MKLN1: variants seen among roughly 807,000 people sequenced by gnomAD.
The protein encoded by MKLN1 is muskelin 1.
MKLN1 carries 18 observed loss-of-function variants against 99.0 expected under a neutral mutation model. The ratio of observed to expected loss-of-function variants is 0.18; its 90% confidence interval spans 0.13 to 0.27. MKLN1 has a LOEUF of 0.27. Ranked by LOEUF, MKLN1 falls within the 10% of genes least tolerant of loss-of-function variation. The pLI is 1.00. For missense variants in MKLN1, 621 were observed against 875.9 expected (o/e 0.71, Z 3.67); for synonymous variants, 288 against 293.2 (o/e 0.98, Z 0.18).
At chr7:131,426,406 A>G (rs1486295854) in intron 8 of MKLN1, among the ~76,000 whole-genome samples, 2 of 152,198 alleles carry the variant, frequency 1.3e-5, no homozygotes, top group African/African-American at 4.8e-5. Flanking sequence ...TATAGTGAGG[A>G]CTTGGCAAAT....
intron 8 of MKLN1, among the ~76,000 whole-genome samples, chr7:131,425,282 G>A (rs1795325575): frequency 6.8e-6 from 1 of 147,176 alleles, no homozygotes; most frequent in Admixed American, 7.3e-5. Context: ...TACTCTGTTT[G>A]AAAAGCCCTC....
intron 15 of MKLN1, among the ~76,000 whole-genome samples, chr7:131,469,195 A>AAGAT (rs1035079468): frequency 6.6e-6 from 1 of 152,012 alleles, no homozygotes; most frequent in Non-Finnish European, 1.5e-5. Context: ...GAGGCATAGA[A>AAGAT]AGATAGATGG....
At chr7:131,135,002 C>T (rs1301763521) in intron 1 of MKLN1, among the ~76,000 whole-genome samples, 2 of 152,200 alleles carry the variant, frequency 1.3e-5, no homozygotes, top group Non-Finnish European at 2.9e-5. Context: ...GAACAGTTTT[C>T]CCTCTCCACA....
chr7:131,222,967 C>T (rs1178904056), intron 3 of MKLN1, among the ~76,000 whole-genome samples: 4 of 151,972 alleles, frequency 2.6e-5, no homozygotes, highest in Admixed American at 6.6e-5. Flanking sequence ...GTTTGAACCC[C>T]GGAGGTGGAG....
At chr7:131,161,569 T>C (rs943623193) in intron 2 of MKLN1, among the ~76,000 whole-genome samples, 1 of 152,210 alleles carries the variant, frequency 6.6e-6, no homozygotes, top group African/African-American at 2.4e-5. Flanking sequence ...TTATTTTTTT[T>C]GAGACGGAGT....
intron 9 of MKLN1, among the ~76,000 whole-genome samples, chr7:131,436,893 A>G (rs1795690573): frequency 1.3e-5 from 2 of 152,092 alleles, no homozygotes; most frequent in South Asian, 2.1e-4. Flanking sequence ...TAGCTGTGCT[A>G]TTTATTCAAT....
In MKLN1 at chr7:131,375,427, C is replaced by T. The variant is rs1289361365; in HGVS notation, c.102C>T (p.Asn34=). 1.9e-6 allele frequency: 3 copies of T among 1,606,174 alleles called. No individual in the cohort carries two copies. The highest frequency in any genetic ancestry group is 2.6e-6 in the Non-Finnish European group (3 of 1,173,120). ...TTTAATACTTTCTTTATTCCAGGAA[C>T]ATTTTAGTGGACAAACCAAATGACC... ...SSFSSTYLPE[N]ILVDKPNDQS... Residue 34 remains asparagine, a synonymous_variant, in exon 2 of 18, where the codon AAC becomes AAT. Transcript: ENST00000352689.
chr7:131,350,733 A>G (rs1366449914), intron 1 of MKLN1, among the ~76,000 whole-genome samples: 2 of 152,202 alleles, frequency 1.3e-5, no homozygotes, highest in Non-Finnish European at 2.9e-5. Context: ...AGGCCCTGAA[A>G]TGATGTCCCA....
intron 1 of MKLN1, among the ~76,000 whole-genome samples, chr7:131,366,252 A>C (rs3800675): frequency 6.6e-6 from 1 of 152,092 alleles, no homozygotes; most frequent in Non-Finnish European, 1.5e-5. Flanking sequence ...GATCCATTTT[A>C]TCATATGATT....
chr7:131,196,746 C>T (rs958564888), intron 2 of MKLN1, among the ~76,000 whole-genome samples: 3 of 152,262 alleles, frequency 2.0e-5, no homozygotes, highest in East Asian at 3.9e-4. Flanking sequence ...TTCTAGCTTG[C>T]TCTGTACATT....
At chr7:131,405,543 G>A (rs571566297) in intron 6 of MKLN1, among the ~76,000 whole-genome samples, 1 of 151,982 alleles carries the variant, frequency 6.6e-6, no homozygotes, top group Admixed American at 6.6e-5. Context: ...CAGATGCTTA[G>A]CTCATTAGTT....
intron 2 of MKLN1, among the ~76,000 whole-genome samples, chr7:131,189,742 G>GA (rs1796507162): frequency 6.6e-6 from 1 of 152,116 alleles, no homozygotes; most frequent in Non-Finnish European, 1.5e-5. Context: ...AGAATTTAGA[G>GA]AACTATTAGA....
chr7:131,215,154 C>T (rs761691027), intron 3 of MKLN1, among the ~76,000 whole-genome samples: 2 of 151,840 alleles, frequency 1.3e-5, no homozygotes, highest in African/African-American at 4.8e-5. Context: ...TCAAGCAATT[C>T]TCCCACCTCA....
upstream of MKLN1, chr7:131,327,789 G>C: frequency 6.9e-7 from 1 of 1,450,162 alleles, no homozygotes; most frequent in East Asian, 2.5e-5. Flanking sequence ...TGCGGGGCGG[G>C]GAGCGCGGGC....
chr7:131,326,296 T>G (rs1364858583), upstream of MKLN1, among the ~76,000 whole-genome samples: 1 of 152,218 alleles, frequency 6.6e-6, no homozygotes, highest in Non-Finnish European at 1.5e-5. Flanking sequence ...ACACATGCTT[T>G]TCCAACCTGC....
In MKLN1 at chr7:131,127,179, A is replaced by AAAG. The variant is rs1554526042; in HGVS notation, c.-418-15639_-418-15638insGAA. Among the ~76,000 whole-genome samples the AAAG allele has an allele frequency of 2.1e-3, 300 of 140,850 alleles. 5 individuals are homozygous for AAAG. The highest frequency in any genetic ancestry group is 7.1e-3 in the Middle Eastern group (2 of 280). The allele number at this position is 140,850 out of a possible 152,430, so 92.4% of individuals were successfully genotyped here. A position where few individuals can be genotyped will look rare whatever the true frequency, so the allele number is the denominator to read the frequency against. ...AAACTCCATCTCAAAAAAAAAAAAA[A>AAAG]AAAGAAAGAAAAGAATAGAAGAAAA... is the stretch of plus-strand genomic sequence containing the variant. On this transcript the variant is annotated intron_variant, in intron 1 of 7. Transcript: ENST00000416992.
intron 3 of MKLN1, among the ~76,000 whole-genome samples, chr7:131,245,054 C>T (rs1490563319): frequency 6.6e-6 from 1 of 152,150 alleles, no homozygotes; most frequent in East Asian, 1.9e-4. Context: ...CTTGTTGGTG[C>T]CTCCTGGGCA....
rs144609529 is a variant in MKLN1, at chr7:131,119,407, G to C, written c.-419+9200G>C. Among the ~76,000 whole-genome samples the C allele has an allele frequency of 5.6e-3, 847 of 152,362 alleles. 2 individuals are homozygous for C. The highest frequency in any genetic ancestry group is 0.014 in the African/African-American group (586 of 41,564). On this transcript the variant is annotated intron_variant, in intron 1 of 7. Coordinates refer to the MKLN1 transcript ENST00000416992. ...TTTCATGGGCTGGTGTTGAATGGCT[G>C]TGGCTTTTCCAGGGCATAGTGCAAG...
chr7:131,336,340 G>A (rs7807274), intron 1 of MKLN1, among the ~76,000 whole-genome samples: 6,721 of 151,820 alleles, frequency 0.044, 432 homozygotes, highest in African/African-American at 0.15. Context: ...TTTATATTTG[G>A]GGTCTGTTTC....
Sources: allele counts gnomAD v4.1 joint callset (sites outside exome capture counted in the v4.1 genomes callset), GRCh38; gene constraint gnomAD v4.1.1; transcripts MANE v1.5; gene names NCBI Gene and HGNC (gene_info 2026-07-23, HGNC 2026-07-21).